The following DENND2C variants were observed in gnomAD, a reference collection of about 807,000 sequenced individuals.
DENND2C encodes the protein DENN domain-containing protein 2C.
In DENND2C, 72 loss-of-function variants were observed where a neutral mutation model predicts 112.4. The observed-to-expected ratio is 0.64, with a 90% CI of 0.53 to 0.78. The LOEUF (loss-of-function observed/expected upper bound fraction) is 0.78. DENND2C is among the 30% of genes least tolerant of loss of function. The probability of loss-of-function intolerance (pLI) is 0.00; values close to 1 mark genes in which losing one functional copy is unlikely to be tolerated. For synonymous variants in DENND2C, 329 were observed against 381.6 expected (o/e 0.86, Z 1.61); for missense variants, 992 against 1,113.8 (o/e 0.89, Z 1.56).
intron 3 of DENND2C, among the ~76,000 whole-genome samples, chr1:114,644,490 T>C (rs1324844228): frequency 6.6e-6 from 1 of 152,220 alleles, no homozygotes; most frequent in Non-Finnish European, 1.5e-5. Context: ...CTGCAGTGCC[T>C]ATTACTTTAA....
At chr1:114,660,453 G>A (rs1166519108) in intron 1 of DENND2C, among the ~76,000 whole-genome samples, 1 of 152,130 alleles carries the variant, frequency 6.6e-6, no homozygotes, top group East Asian at 1.9e-4. Flanking sequence ...CTTTCCTGCT[G>A]CCCTGGACAT....
intron 16 of DENND2C, among the ~76,000 whole-genome samples, chr1:114,597,126 A>C (rs946365071): frequency 6.6e-6 from 1 of 152,298 alleles, no homozygotes; most frequent in East Asian, 1.9e-4. Flanking sequence ...CCACAGACAA[A>C]GGGGCCAGTA....
chr1:114,586,738 TTTTA>T (rs1655050085), intron 20 of DENND2C: 2 of 151,112 alleles, frequency 1.3e-5, no homozygotes, highest in African/African-American at 2.4e-5. Context: ...TTTTTTTAAT[TTTTA>T]TTTATTTATT....
At chr1:114,631,577 A>G (rs1206504034) in intron 3 of DENND2C, among the ~76,000 whole-genome samples, 1 of 151,844 alleles carries the variant, frequency 6.6e-6, no homozygotes. Context: ...AGGTCAGGAG[A>G]TCGAGACCAT....
At chr1:114,606,399 T>C (rs1428279386) in intron 10 of DENND2C, among the ~76,000 whole-genome samples, 1 of 152,164 alleles carries the variant, frequency 6.6e-6, no homozygotes, top group Non-Finnish European at 1.5e-5. Context: ...TCTCTTAGAT[T>C]CCAGTACAGT....
chr1:114,600,998 TAAA>T, intron 13 of DENND2C, 38 bp from the exon 14 acceptor site: 1 of 1,576,510 alleles, frequency 6.3e-7, no homozygotes, highest in Non-Finnish European at 8.6e-7. Context: ...TGGACTAAGT[TAAA>T]AAATATAAAA....
chr1:114,665,093 C>T (rs1173990847), intron 1 of DENND2C, among the ~76,000 whole-genome samples: 1 of 151,272 alleles, frequency 6.6e-6, no homozygotes, highest in East Asian at 2.0e-4. Flanking sequence ...GACTCTGTCT[C>T]AAGAAAAATA....
Position 114,601,416 on chromosome 1 carries a change from A to G in DENND2C, c.1815+92T>C, listed in dbSNP as rs1655501417. On this transcript the variant is annotated intron_variant, in intron 13 of 20. Transcript: ENST00000393274. ...GTGGTTCCTAGTTTACTAATAGGGA[A>G]CCTTTCTGAAGTAACATGTTAAACT... The G allele has an allele frequency of 3.9e-6, 5 of 1,285,746 alleles. No homozygotes were observed. The Admixed American group carries it at 6.6e-5, about 17-fold the overall frequency. The allele number at this position is 1,285,746 out of a possible 1,614,324, so 79.6% of individuals were successfully genotyped here.
At chr1:114,602,466 C>G (rs1046510543) in intron 11 of DENND2C, among the ~76,000 whole-genome samples, 1 of 152,196 alleles carries the variant, frequency 6.6e-6, no homozygotes, top group Non-Finnish European at 1.5e-5. Flanking sequence ...TTGCCTTGTA[C>G]TGGAGTGAGA....
At chr1:114,659,830 T>C (rs1162816904) in intron 1 of DENND2C, among the ~76,000 whole-genome samples, 1 of 127,894 alleles carries the variant, frequency 7.8e-6, no homozygotes, top group Non-Finnish European at 1.6e-5. Context: ...CTTATCCTCT[T>C]GCCCAGGATG....
chr1:114,649,932 G>C (rs1048017276), intron 2 of DENND2C, among the ~76,000 whole-genome samples: 3 of 152,174 alleles, frequency 2.0e-5, no homozygotes, highest in African/African-American at 7.2e-5. Context: ...GGACATTTTG[G>C]TGTATCTTCT....
chr1:114,623,470 A>C (rs1251672773), intron 5 of DENND2C, 37 bp downstream of exon 5: 1 of 1,581,756 alleles, frequency 6.3e-7, no homozygotes, highest in East Asian at 2.3e-5. Flanking sequence ...CCAAATATAT[A>C]ATCACTAAAT....
At chr1:114,639,190 T>C (rs975858089) in intron 3 of DENND2C, among the ~76,000 whole-genome samples, 12 of 152,156 alleles carry the variant, frequency 7.9e-5, no homozygotes, top group Non-Finnish European at 7.4e-5. Context: ...ATACAAAAGA[T>C]TGGAGCACCT....
At position 114,585,480 on chromosome 1, in the gene DENND2C, C is replaced by A; in HGVS notation, c.*120G>T. 1 of 1,071,928 alleles carries A rather than the reference C, an allele frequency of 9.3e-7. No homozygotes were observed. The allele number at this position is 1,071,928 out of a possible 1,614,324, so 66.4% of individuals were successfully genotyped here. On this transcript the variant is annotated 3_prime_UTR_variant, in exon 21 of 21. Coordinates refer to ENST00000393274, the MANE Select transcript of DENND2C (RefSeq NM_001256404.2). ...AATCCTCCTCTAACAGCCTGACTCG[C>A]TCTTTAACCTTTTAAAATTTCAAGA...
intron 3 of DENND2C, among the ~76,000 whole-genome samples, chr1:114,635,437 C>CA (rs1182915045): frequency 1.3e-5 from 2 of 151,874 alleles, no homozygotes; most frequent in African/African-American, 4.8e-5. Context: ...GCAAAGCGAA[C>CA]AAAAAAAGAG....
intron 3 of DENND2C, among the ~76,000 whole-genome samples, chr1:114,631,377 A>T (rs1024593584): frequency 6.6e-6 from 1 of 152,208 alleles, no homozygotes; most frequent in Non-Finnish European, 1.5e-5. Flanking sequence ...CAAAAAATAA[A>T]TTAAAAAAAA....
intron 11 of DENND2C, among the ~76,000 whole-genome samples, chr1:114,602,515 T>C (rs1413751501): frequency 6.6e-6 from 1 of 152,202 alleles, no homozygotes; most frequent in Non-Finnish European, 1.5e-5. Context: ...TGGTTCCTTT[T>C]GTTTTCTTAT....
At chr1:114,594,366 G>A in intron 18 of DENND2C, 107 bp downstream of exon 18, 3 of 881,592 alleles carry the variant, frequency 3.4e-6, no homozygotes, top group Non-Finnish European at 5.4e-6. Context: ...CAGCGCACAG[G>A]CAATCTAATG....
chr1:114,603,978 C>G (rs1356467354), intron 11 of DENND2C, among the ~76,000 whole-genome samples: 2 of 152,170 alleles, frequency 1.3e-5, no homozygotes, highest in African/African-American at 4.8e-5. Context: ...TTTATTTACT[C>G]TTCTGTGTTT....
Sources: gnomAD v4.1 joint callset for allele counts (sites outside exome capture counted in the v4.1 genomes callset) on GRCh38, gnomAD v4.1.1 for gene constraint, MANE v1.5 for transcripts, NCBI Gene and HGNC (gene_info 2026-07-23, HGNC 2026-07-21) for gene names.